NEDD4L: variants seen among roughly 807,000 people sequenced by gnomAD.
NEDD4L encodes NEDD4 like E3 ubiquitin protein ligase.
NEDD4L carries 54 observed loss-of-function variants against 148.9 expected under a neutral mutation model. The observed-to-expected ratio is 0.36, with a 90% CI of 0.29 to 0.45. The LOEUF is 0.45. Ranked by LOEUF, NEDD4L falls within the 20% of genes least tolerant of loss-of-function variation. The pLI, the probability that NEDD4L is intolerant of heterozygous loss-of-function variation, is 1.00. For synonymous variants in NEDD4L, 433 were observed against 440.7 expected (o/e 0.98, Z 0.22); for missense variants, 856 against 1,233.8 (o/e 0.69, Z 4.59).
At chr18:58,156,292 A>G (rs2035486201) in intron 1 of NEDD4L, among the ~76,000 whole-genome samples, 1 of 152,212 alleles carries the variant, frequency 6.6e-6, no homozygotes, top group Non-Finnish European at 1.5e-5. Context: ...CCTTCCGCAA[A>G]TGCTATCTAG....
intron 2 of NEDD4L, among the ~76,000 whole-genome samples, chr18:58,229,125 T>G (rs1314851905): frequency 9.2e-5 from 14 of 152,206 alleles, no homozygotes; most frequent in Admixed American, 9.2e-4. Flanking sequence ...TTTGGTGTTT[T>G]TTATAGGACC....
At chr18:58,309,086 G>GT (rs975811940) in intron 5 of NEDD4L, among the ~76,000 whole-genome samples, 1 of 152,192 alleles carries the variant, frequency 6.6e-6, no homozygotes, top group Non-Finnish European at 1.5e-5. Flanking sequence ...GTTATTCCCT[G>GT]TTTAATGTCC....
chr18:58,176,815 C>T (rs144295525), intron 2 of NEDD4L, among the ~76,000 whole-genome samples: 28 of 152,308 alleles, frequency 1.8e-4, no homozygotes, highest in African/African-American at 6.0e-4. Context: ...TTCTTGCCCT[C>T]GTTTTCTTCA....
intron 2 of NEDD4L, among the ~76,000 whole-genome samples, chr18:58,186,598 G>GCTTTATAA (rs2039508248): frequency 6.6e-6 from 1 of 152,164 alleles, no homozygotes; most frequent in African/African-American, 2.4e-5. Context: ...AGCTTTATAT[G>GCTTTATAA]GCATAATTAA....
intron 16 of NEDD4L, among the ~76,000 whole-genome samples, chr18:58,348,181 A>G (rs1361250706): frequency 6.6e-6 from 1 of 151,986 alleles, no homozygotes; most frequent in Non-Finnish European, 1.5e-5. Flanking sequence ...TGTTTTTTGC[A>G]GAGATATGGT....
At chr18:58,065,963 A>G (rs188345667) in intron 1 of NEDD4L, among the ~76,000 whole-genome samples, 58 of 152,368 alleles carry the variant, frequency 3.8e-4, no homozygotes, top group Non-Finnish European at 6.2e-4. Flanking sequence ...GTCCCAAGGT[A>G]TATGTAATGG....
At chr18:58,127,272 G>A (rs938467673) in intron 1 of NEDD4L, among the ~76,000 whole-genome samples, 1 of 152,226 alleles carries the variant, frequency 6.6e-6, no homozygotes, top group Non-Finnish European at 1.5e-5. Flanking sequence ...TGCGGCTAGT[G>A]GCTGCCCACA....
intron 1 of NEDD4L, among the ~76,000 whole-genome samples, chr18:58,127,840 CAAAAAAAAAAA>C (rs113559692): frequency 8.8e-6 from 1 of 114,150 alleles, no homozygotes; most frequent in East Asian, 3.0e-4. Context: ...GACTCCGTCT[CAAAAAAAAAAA>C]AAAAAAAAGA....
intron 1 of NEDD4L, among the ~76,000 whole-genome samples, chr18:58,123,927 C>T (rs2030513246): frequency 6.6e-6 from 1 of 152,188 alleles, no homozygotes; most frequent in Non-Finnish European, 1.5e-5. Flanking sequence ...CCTTTTTCCT[C>T]CTGCATTATT....
intron 2 of NEDD4L, among the ~76,000 whole-genome samples, chr18:58,207,388 T>G (rs1265220963): frequency 1.3e-5 from 2 of 152,026 alleles, no homozygotes; most frequent in Admixed American, 1.3e-4. Context: ...GAAACTCTCC[T>G]ACTTACAGTT....
At chr18:58,182,122 G>C (rs2038926154) in intron 2 of NEDD4L, among the ~76,000 whole-genome samples, 1 of 152,128 alleles carries the variant, frequency 6.6e-6, no homozygotes, top group Non-Finnish European at 1.5e-5. Context: ...TCTACCAGGG[G>C]CAGGGGAAAG....
intron 2 of NEDD4L, among the ~76,000 whole-genome samples, chr18:58,209,029 G>A (rs1242816245): frequency 1.3e-5 from 2 of 151,906 alleles, no homozygotes; most frequent in Non-Finnish European, 2.9e-5. Context: ...AGTTTTTTAA[G>A]CCTGAATATG....
intron 2 of NEDD4L, among the ~76,000 whole-genome samples, chr18:58,168,562 G>C (rs1382166894): frequency 6.6e-6 from 1 of 152,176 alleles, no homozygotes; most frequent in African/African-American, 2.4e-5. Context: ...GCAGAGGTTT[G>C]GTAGTGTCCT....
intron 5 of NEDD4L, among the ~76,000 whole-genome samples, chr18:58,253,965 A>G (rs1216099999): frequency 6.6e-6 from 1 of 151,252 alleles, no homozygotes; most frequent in East Asian, 1.9e-4. Flanking sequence ...CAGTGTGGTT[A>G]CTATGCAAAG....
intron 5 of NEDD4L, among the ~76,000 whole-genome samples, chr18:58,265,286 G>A (rs971757078): frequency 1.2e-4 from 19 of 152,044 alleles, no homozygotes; most frequent in Admixed American, 5.9e-4. Flanking sequence ...CATGTGAAAC[G>A]TTGCTGAAGA....
intron 2 of NEDD4L, among the ~76,000 whole-genome samples, chr18:58,199,345 C>T (rs1297942352): frequency 6.6e-6 from 1 of 152,048 alleles, no homozygotes; most frequent in African/African-American, 2.4e-5. Context: ...GGACATTTTT[C>T]ATTGTCATAT....
chr18:58,270,302 G>T (rs1487420313), intron 5 of NEDD4L, among the ~76,000 whole-genome samples: 1 of 152,154 alleles, frequency 6.6e-6, no homozygotes. Flanking sequence ...AGGTAACCTG[G>T]GTCAACTCAT....
intron 5 of NEDD4L, among the ~76,000 whole-genome samples, chr18:58,258,501 T>C (rs1352764761): frequency 7.2e-5 from 11 of 152,184 alleles, no homozygotes; most frequent in Admixed American, 7.2e-4. Flanking sequence ...AACTTTCAAA[T>C]GTAATTAGAA....
Position 58,335,648 on chromosome 18 carries a change from G to T in NEDD4L, c.1125+111G>T. 4.9e-6 allele frequency: 4 copies of T among 819,202 alleles called. No individual in the cohort carries two copies. In the South Asian group the frequency reaches 5.6e-5, roughly 11 times the overall value. The allele number at this position is 819,202 out of a possible 1,614,324, so 50.7% of individuals were successfully genotyped here. A position where few individuals can be genotyped will look rare whatever the true frequency, so the allele number is the denominator to read the frequency against. On this transcript the variant is annotated intron_variant, in intron 13 of 30. Coordinates refer to ENST00000400345, the MANE Select transcript of NEDD4L (RefSeq NM_001144967.3). ...TTAAAAATAAGATTAGCTCCTTTGTGCTACAGAGCTGCACACGTTTCTTAT... is the reference window on the plus strand; with the variant it reads ...TTAAAAATAAGATTAGCTCCTTTGTTCTACAGAGCTGCACACGTTTCTTAT...
Sources: allele counts gnomAD v4.1 joint callset (sites outside exome capture counted in the v4.1 genomes callset), GRCh38; gene constraint gnomAD v4.1.1; transcripts MANE v1.5; gene names NCBI Gene and HGNC (gene_info 2026-07-23, HGNC 2026-07-21).